Variants in PDE1A observed in about 807,000 individuals in gnomAD.
The protein encoded by PDE1A is phosphodiesterase 1A.
A neutral mutation model predicts 61.7 loss-of-function variants in PDE1A; 35 were observed. The ratio of observed to expected loss-of-function variants is 0.57; its 90% CI spans 0.43 to 0.75. The LOEUF (loss-of-function observed/expected upper bound fraction) is 0.75. Among genes scored for constraint, PDE1A ranks in the 30% least tolerant of loss-of-function variants. The pLI is 0.00. For missense variants in PDE1A, 597 were observed against 630.6 expected, an observed-to-expected ratio of 0.95 and a Z score of 0.57; for synonymous variants, 232 against 213.2, an observed-to-expected ratio of 1.09 and a Z score of -0.77.
chr2:182,274,275 C>T (rs1693246031), intron 1 of PDE1A, among the ~76,000 whole-genome samples: 1 of 151,966 alleles, frequency 6.6e-6, no homozygotes, highest in Non-Finnish European at 1.5e-5. Flanking sequence ...AATGCAGTAC[C>T]ATGTACCGAC....
chr2:182,245,304 T>C (rs1690864605), intron 2 of PDE1A, among the ~76,000 whole-genome samples: 1 of 152,240 alleles, frequency 6.6e-6, no homozygotes, highest in Admixed American at 6.5e-5. Context: ...CTGGTATTAT[T>C]GTGGTACAGT....
intron 1 of PDE1A, among the ~76,000 whole-genome samples, chr2:182,384,584 G>C (rs1405089441): frequency 1.3e-5 from 2 of 151,318 alleles, no homozygotes; most frequent in African/African-American, 4.8e-5. Context: ...CAAATAACTT[G>C]AACTCCAAGA....
the PDE1A span, among the ~76,000 whole-genome samples, chr2:182,600,693 A>G: frequency 2.0e-5 from 3 of 152,256 alleles, no homozygotes; most frequent in Non-Finnish European, 1.5e-5. Flanking sequence ...GCATTGAAAT[A>G]CATGTCCCCT....
chr2:182,383,587 A>G (rs991116970), intron 1 of PDE1A, among the ~76,000 whole-genome samples: 14 of 152,188 alleles, frequency 9.2e-5, no homozygotes, highest in Non-Finnish European at 1.8e-4. Flanking sequence ...TGCCGACTGG[A>G]GAGAGGTAGG....
chr2:182,472,451 C>T (rs1393227291), intron 2 of PDE1A, among the ~76,000 whole-genome samples: 1 of 151,732 alleles, frequency 6.6e-6, no homozygotes, highest in African/African-American at 2.4e-5. Context: ...AGTGAAACAA[C>T]TCAAACACAA....
At chr2:182,651,038 C>T in the PDE1A span, among the ~76,000 whole-genome samples, 1 of 152,068 alleles carries the variant, frequency 6.6e-6, no homozygotes, top group Non-Finnish European at 1.5e-5. Flanking sequence ...TGGAGTTTCG[C>T]TCTTGTTGCC....
the PDE1A span, among the ~76,000 whole-genome samples, chr2:182,551,509 G>C: frequency 1.3e-5 from 2 of 152,036 alleles, no homozygotes; most frequent in Admixed American, 6.6e-5. Flanking sequence ...GAGGAGAGAA[G>C]ACAATGCCTA....
chr2:182,566,358 ACTT>A, the PDE1A span, among the ~76,000 whole-genome samples: 4 of 152,058 alleles, frequency 2.6e-5, no homozygotes, highest in African/African-American at 4.8e-5. Context: ...AAACTGGTAA[ACTT>A]CTTAGTCATC....
chr2:182,310,584 T>C (rs976666524), intron 1 of PDE1A, among the ~76,000 whole-genome samples: 1 of 152,186 alleles, frequency 6.6e-6, no homozygotes, highest in Non-Finnish European at 1.5e-5. Flanking sequence ...ATTATCCTAG[T>C]AAACGAGATG....
chr2:182,575,462 C>T, the PDE1A span, among the ~76,000 whole-genome samples: 1 of 151,580 alleles, frequency 6.6e-6, no homozygotes, highest in African/African-American at 2.4e-5. Flanking sequence ...TGTTGTGACT[C>T]CTGGTGGCAA....
chr2:182,347,651 G>A (rs1026796705), intron 1 of PDE1A, among the ~76,000 whole-genome samples: 1 of 151,936 alleles, frequency 6.6e-6, no homozygotes, highest in African/African-American at 2.4e-5. Context: ...TTTAAGACAG[G>A]TGCCATGCTA....
the PDE1A span, among the ~76,000 whole-genome samples, chr2:182,592,494 C>T: frequency 2.0e-5 from 3 of 152,164 alleles, no homozygotes; most frequent in Admixed American, 2.0e-4. Context: ...CTTCCCAACA[C>T]CAGCTTCCAT....
At chr2:182,346,946 T>C (rs1308534019) in intron 1 of PDE1A, among the ~76,000 whole-genome samples, 2 of 152,202 alleles carry the variant, frequency 1.3e-5, no homozygotes, top group Non-Finnish European at 2.9e-5. Flanking sequence ...TTGTCCTTCA[T>C]AGAAGCACTT....
chr2:182,569,421 C>T, the PDE1A span, among the ~76,000 whole-genome samples: 7 of 152,062 alleles, frequency 4.6e-5, no homozygotes, highest in Admixed American at 4.6e-4. Context: ...CTATGGTCAA[C>T]CTGCTCCCAG....
the PDE1A span, among the ~76,000 whole-genome samples, chr2:182,638,413 G>C: frequency 6.6e-6 from 1 of 152,052 alleles, no homozygotes; most frequent in Non-Finnish European, 1.5e-5. Context: ...GCGGGTGCCT[G>C]TAATCCCAGC....
intron 7 of PDE1A, among the ~76,000 whole-genome samples, chr2:182,212,824 G>T (rs1394502810): frequency 2.0e-5 from 3 of 152,230 alleles, no homozygotes; most frequent in Non-Finnish European, 4.4e-5. Flanking sequence ...CTGCAAGGCG[G>T]CAGGGAGGCC....
chr2:182,646,211 G>A, the PDE1A span, among the ~76,000 whole-genome samples: 1 of 151,902 alleles, frequency 6.6e-6, no homozygotes, highest in Non-Finnish European at 1.5e-5. Flanking sequence ...ACTTTCAGAG[G>A]CCGAGGCAGG....
At chr2:182,445,182 C>T (rs892916314) in intron 2 of PDE1A, among the ~76,000 whole-genome samples, 1 of 152,094 alleles carries the variant, frequency 6.6e-6, no homozygotes, top group Non-Finnish European at 1.5e-5. Context: ...TACTTCTTAA[C>T]ACCATTTACT....
intron 2 of PDE1A, among the ~76,000 whole-genome samples, chr2:182,454,805 C>T (rs1275488393): frequency 1.3e-5 from 2 of 151,834 alleles, no homozygotes; most frequent in Non-Finnish European, 2.9e-5. Context: ...AGACCTAAAA[C>T]CATAAAAACC....
Sources: gnomAD v4.1 joint callset for allele counts (sites outside exome capture counted in the v4.1 genomes callset) on GRCh38, gnomAD v4.1.1 for gene constraint, MANE v1.5 for transcripts, NCBI Gene and HGNC (gene_info 2026-07-23, HGNC 2026-07-21) for gene names.